Variants in NTRK3 observed in about 807,000 individuals in gnomAD.
NTRK3 encodes neurotrophic receptor tyrosine kinase 3.
Under a neutral mutation model 91.7 loss-of-function variants are expected in NTRK3, and 24 were observed. The ratio of observed to expected loss-of-function variants is 0.26; its 90% CI spans 0.19 to 0.37. The LOEUF (loss-of-function observed/expected upper bound fraction) is 0.37, where lower values mean the gene tolerates loss of function less well. Ranked by LOEUF, NTRK3 falls within the 10% of genes least tolerant of loss-of-function variation. NTRK3 has a pLI of 1.00. For synonymous variants in NTRK3, 483 were observed against 404.0 expected, an observed-to-expected ratio of 1.20 and a Z score of -2.34; for missense variants, 880 against 1,068.9, an observed-to-expected ratio of 0.82 and a Z score of 2.46.
intron 13 of NTRK3, among the ~76,000 whole-genome samples, chr15:88,077,976 T>G (rs528187443): frequency 6.6e-6 from 1 of 152,276 alleles, no homozygotes; most frequent in East Asian, 1.9e-4. Context: ...CCCACAGGCC[T>G]CCTGGGCTAC....
chr15:88,228,349 T>A (rs1257421524), intron 3 of NTRK3, among the ~76,000 whole-genome samples: 3 of 152,172 alleles, frequency 2.0e-5, no homozygotes, highest in Non-Finnish European at 4.4e-5. Flanking sequence ...GATCTCCCCA[T>A]CCTGGCTGTC....
intron 15 of NTRK3, among the ~76,000 whole-genome samples, chr15:87,937,530 TCAAAACAAAAAC>T (rs895063012): frequency 1.3e-5 from 2 of 152,044 alleles, no homozygotes; most frequent in Admixed American, 1.3e-4. Context: ...TTGTGACTAC[TCAAAACAAAAAC>T]CAAAACACCC....
intron 17 of NTRK3, among the ~76,000 whole-genome samples, chr15:87,889,299 A>G (rs146535773): frequency 1.9e-4 from 29 of 152,224 alleles, no homozygotes; most frequent in African/African-American, 6.3e-4. Context: ...AGCAAACCCA[A>G]TGAATTAGAC....
At position 88,241,477 on chromosome 15, in the gene NTRK3, A is replaced by T. The variant is rs2052346075; in HGVS notation, c.248+14429T>A. ...AATGAACCCTAGATGCAAATCAGGG[A>T]GTCATGAGGTCACTCTCCTGCCACT... On this transcript the variant is annotated intron_variant, in intron 3 of 18. Transcript: ENST00000394480. The surrounding 1 kb of genome is among the most constrained non-coding windows in gnomAD (Gnocchi z 4.3). 6.6e-6 allele frequency among the ~76,000 whole-genome samples: 1 copy of T among 152,038 alleles called. No individual in the cohort carries two copies. Among genetic ancestry groups the T allele is most frequent in the African/African-American group, 2.4e-5 (1 of 41,396 alleles).
chr15:87,861,842 G>C, exon 19 of NTRK3: 1 of 206,624 alleles, frequency 4.8e-6, no homozygotes, highest in East Asian at 7.3e-5. Context: ...GCTTCTATTG[G>C]CATCATCTCT....
intron 3 of NTRK3, among the ~76,000 whole-genome samples, chr15:88,214,840 G>T (rs535894490): frequency 6.6e-6 from 1 of 152,314 alleles, no homozygotes. Context: ...CCCTCCACTA[G>T]GAGGTGAGCC....
intron 14 of NTRK3, among the ~76,000 whole-genome samples, chr15:87,970,821 A>G (rs368656508): frequency 6.6e-5 from 10 of 152,222 alleles, no homozygotes; most frequent in African/African-American, 2.4e-4. Flanking sequence ...AGAGAAAAAG[A>G]TTTTTCTGCA....
intron 13 of NTRK3, among the ~76,000 whole-genome samples, chr15:88,036,132 C>T (rs1019245704): frequency 6.6e-6 from 1 of 152,084 alleles, no homozygotes; most frequent in Non-Finnish European, 1.5e-5. Flanking sequence ...ACCCAAATTA[C>T]TTACCCAGTT....
intron 14 of NTRK3, among the ~76,000 whole-genome samples, chr15:87,949,116 G>C (rs1326037419): frequency 6.6e-6 from 1 of 152,182 alleles, no homozygotes; most frequent in African/African-American, 2.4e-5. Context: ...AGCACTGCTA[G>C]AGACTTTAGC....
intron 14 of NTRK3, chr15:87,981,217 G>A (rs781208654): frequency 2.4e-5 from 38 of 1,569,616 alleles, no homozygotes; most frequent in African/African-American, 1.2e-4. Context: ...GTCAAAGGAG[G>A]TAACTCACCA....
intron 13 of NTRK3, among the ~76,000 whole-genome samples, chr15:88,103,077 C>T (rs1241463664): frequency 6.6e-6 from 1 of 152,124 alleles, no homozygotes; most frequent in Non-Finnish European, 1.5e-5. Context: ...TTATGCATGA[C>T]GAACGTAGGC....
chr15:88,223,237 C>T (rs4887389), intron 3 of NTRK3, among the ~76,000 whole-genome samples: 129,955 of 152,260 alleles, frequency 0.85, 55,729 homozygotes, highest in East Asian at 0.99. Flanking sequence ...CTTGACCAGC[C>T]GGCCAGGGCA....
intron 13 of NTRK3, 122 bp from the exon 14 acceptor site, chr15:88,033,167 G>A: frequency 2.4e-6 from 1 of 408,990 alleles, no homozygotes; most frequent in Non-Finnish European, 4.3e-6. Context: ...TTTACTTTTG[G>A]GGGGTGTGTT....
intron 14 of NTRK3, among the ~76,000 whole-genome samples, chr15:88,018,485 C>T (rs2077391841): frequency 6.6e-6 from 1 of 152,138 alleles, no homozygotes; most frequent in Non-Finnish European, 1.5e-5. Context: ...AGTAAATGAC[C>T]TTGGGCAAGT....
intron 17 of NTRK3, among the ~76,000 whole-genome samples, chr15:87,892,081 C>T (rs902087600): frequency 1.4e-5 from 2 of 140,544 alleles, no homozygotes; most frequent in African/African-American, 5.3e-5. Context: ...GCCCCCATCC[C>T]CAACACACAC....
chr15:88,004,916 G>A (rs2076378955), intron 14 of NTRK3, among the ~76,000 whole-genome samples: 1 of 152,100 alleles, frequency 6.6e-6, no homozygotes, highest in African/African-American at 2.4e-5. Flanking sequence ...TCACAGTGCT[G>A]GAGTATTCCA....
In NTRK3 at chr15:88,239,221, G is replaced by A. The variant is rs552919016; in HGVS notation, c.248+16685C>T. On this transcript the variant is annotated intron_variant, in intron 3 of 18. Transcript: ENST00000394480. Reference sequence around the variant, plus strand: ...AGCCCTCCAGGCAGGGGAAGTGGCCGGATCACGAGACTGAGAGTGAACAAT... The same window carrying A: ...AGCCCTCCAGGCAGGGGAAGTGGCCAGATCACGAGACTGAGAGTGAACAAT... 9.8e-5 allele frequency among the ~76,000 whole-genome samples: 15 copies of A among 152,310 alleles called. No homozygotes were observed. The East Asian group carries it at 1.4e-3, about 14-fold the overall frequency.
At position 88,243,645 on chromosome 15, in the gene NTRK3, G is replaced by A. The variant is rs549752460; in HGVS notation, c.248+12261C>T. 2.6e-4 allele frequency among the ~76,000 whole-genome samples: 40 copies of A among 152,062 alleles called. No individual in the cohort carries two copies. The highest frequency in any genetic ancestry group is 9.2e-4 in the African/African-American group (38 of 41,436). On this transcript the variant is annotated intron_variant, in intron 3 of 18. Coordinates refer to ENST00000394480, the Ensembl canonical transcript of NTRK3. This position sits in a 1 kb window ranked among gnomAD's most constrained non-coding sequence, Gnocchi z 4.8. ...CTAAAAGAGGCTTTTTTGTCAACCA[G>A]ACCAACCCCTACATTTCCCAGGTAA...
In NTRK3 at chr15:88,243,400, G is replaced by A. The variant is rs1301251000; in HGVS notation, c.248+12506C>T. Among the ~76,000 whole-genome samples the A allele has an allele frequency of 6.6e-6, 1 of 152,094 alleles. No homozygotes were observed. Among genetic ancestry groups the A allele is most frequent in the East Asian group, 1.9e-4 (1 of 5,186 alleles). Reference sequence around the variant, plus strand: ...AGAAATGAAGAGGCTGCAAGGATGAGAGCCAGGGTCACCCCAAACCAGCCT... The same window carrying A: ...AGAAATGAAGAGGCTGCAAGGATGAAAGCCAGGGTCACCCCAAACCAGCCT... On this transcript the variant is annotated intron_variant, in intron 3 of 18. Coordinates refer to ENST00000394480, the Ensembl canonical transcript of NTRK3. The surrounding 1 kb of genome is among the most constrained non-coding windows in gnomAD (Gnocchi z 4.8).
Sources: allele counts gnomAD v4.1 joint callset (sites outside exome capture counted in the v4.1 genomes callset), GRCh38; gene constraint gnomAD v4.1.1; non-coding constraint Gnocchi (gnomAD v3.1); transcripts MANE v1.5; gene names NCBI Gene and HGNC (gene_info 2026-07-23, HGNC 2026-07-21).